Variants in TRPA1 observed in about 807,000 individuals in gnomAD.
TRPA1 encodes the protein ankyrin-like with transmembrane domains 1.
In TRPA1, 129 loss-of-function variants were observed where a neutral mutation model predicts 131.3. That is an observed-to-expected ratio of 0.98 (90% confidence interval 0.85 to 1.14). The LOEUF (loss-of-function observed/expected upper bound fraction) is 1.14. Among genes scored for constraint, TRPA1 ranks in the 50% most tolerant of loss-of-function variants. TRPA1 has a pLI of 0.00. For synonymous variants in TRPA1, 441 were observed against 451.7 expected, an observed-to-expected ratio of 0.98 and a Z score of 0.30; for missense variants, 1,304 against 1,354.2, an observed-to-expected ratio of 0.96 and a Z score of 0.58.
chr8:72,069,509 T>C (rs1395024317), intron 2 of TRPA1, among the ~76,000 whole-genome samples: 1 of 152,134 alleles, frequency 6.6e-6, no homozygotes, highest in Non-Finnish European at 1.5e-5. Flanking sequence ...AATATTGGGA[T>C]TATATAAAAG....
chr8:72,056,954 G>C lies in TRPA1; in HGVS notation c.1157C>G (p.Pro386Arg), dbSNP rs752350043. 1 of 1,609,486 alleles carries C rather than the reference G, an allele frequency of 6.2e-7. No homozygotes were observed. Residue 386 changes from proline to arginine, a missense_variant, in exon 10 of 27, where the codon CCT becomes CGT. Physicochemically the swap from Pro to Arg is moderately radical, Grantham distance 103. Transcript: ENST00000262209. ...RNFLHLTVQQ[P>R]YGLKNLRPEF... is the part of the protein sequence containing the mutation. The stretch of plus-strand genomic sequence containing the variant: ...AGGTCGCAGATTTTTTAATCCATAA[G>C]GTTGCTGTACAGTTAAATGCAGAAA...
chr8:72,066,966 T>C (rs898313760), intron 3 of TRPA1, among the ~76,000 whole-genome samples: 9 of 152,088 alleles, frequency 5.9e-5, no homozygotes, highest in African/African-American at 2.2e-4. Context: ...AACTGGATAG[T>C]TTGAATTAAA....
chr8:72,048,325 C>T (rs539413438), intron 15 of TRPA1, among the ~76,000 whole-genome samples: 1 of 152,144 alleles, frequency 6.6e-6, no homozygotes, highest in South Asian at 2.1e-4. Context: ...CATCTAGGAC[C>T]TCCTGGGGCA....
At chr8:72,067,583 T>G (rs1805961270) in intron 3 of TRPA1, among the ~76,000 whole-genome samples, 1 of 152,186 alleles carries the variant, frequency 6.6e-6, no homozygotes. Context: ...AACAGTTACC[T>G]ATCTTCAATT....
chr8:72,028,066 T>C (rs948259563), intron 24 of TRPA1, among the ~76,000 whole-genome samples: 2 of 152,182 alleles, frequency 1.3e-5, no homozygotes, highest in African/African-American at 2.4e-5. Context: ...AAGAGGTTTA[T>C]ACATCTCCTC....
chr8:72,072,538 A>G (rs1219692671), intron 1 of TRPA1, among the ~76,000 whole-genome samples: 5 of 152,194 alleles, frequency 3.3e-5, no homozygotes, highest in African/African-American at 7.2e-5. Context: ...CATATAAGCT[A>G]CATATAACTT....
intron 19 of TRPA1, 82 bp downstream of exon 19, chr8:72,038,783 G>T (rs1162288194): frequency 6.6e-6 from 8 of 1,217,286 alleles, no homozygotes; most frequent in Non-Finnish European, 6.9e-6. Flanking sequence ...TGATATGTCA[G>T]ATTTATTATG....
chr8:72,026,397 G>C (rs954986158), intron 24 of TRPA1, among the ~76,000 whole-genome samples: 1 of 152,248 alleles, frequency 6.6e-6, no homozygotes, highest in Non-Finnish European at 1.5e-5. Flanking sequence ...ATTGTTCAAT[G>C]CTGGAGATTT....
chr8:72,047,266 T>G (rs1386968541), intron 15 of TRPA1, 59 bp from the exon 16 acceptor site: 4 of 1,235,068 alleles, frequency 3.2e-6, no homozygotes, highest in South Asian at 1.2e-5. Context: ...TTAGGAAAGA[T>G]TTTATCCTAT....
chr8:72,064,590 T>C (rs1805885616), intron 4 of TRPA1, among the ~76,000 whole-genome samples: 1 of 152,152 alleles, frequency 6.6e-6, no homozygotes. Context: ...TATGTACCTA[T>C]CTCTAAGTCC....
intron 19 of TRPA1, among the ~76,000 whole-genome samples, chr8:72,038,555 C>A (rs894210863): frequency 6.6e-6 from 1 of 152,014 alleles, no homozygotes; most frequent in Non-Finnish European, 1.5e-5. Flanking sequence ...CCATGTCCCA[C>A]AGTCCCTGGC....
chr8:72,054,493 T>C (rs956507088), intron 12 of TRPA1: 7 of 152,788 alleles, frequency 4.6e-5, no homozygotes, highest in African/African-American at 1.7e-4. Flanking sequence ...TTAGCTATCT[T>C]TTTTCAAATT....
chr8:72,055,528 G>A lies in TRPA1; in HGVS notation c.1437C>T (p.Asp479=). Residue 479 remains aspartate, a synonymous_variant, in exon 12 of 27, where the codon GAC becomes GAT. Coordinates refer to ENST00000262209, the MANE Select transcript of TRPA1 (RefSeq NM_007332.3). The stretch of plus-strand genomic sequence containing the variant: ...GATGGAGAGGAGTCATTCCATGAAG[G>A]TCACCTTCATTCAGAAGCCTCGTAT... The part of the protein sequence containing the change: ...ISDTRLLNEG[D]LHGMTPLHLA... 1 of 1,613,558 alleles carries A rather than the reference G, an allele frequency of 6.2e-7. No individual in the cohort carries two copies. Among genetic ancestry groups the A allele is most frequent in the Non-Finnish European group, 8.5e-7 (1 of 1,179,640 alleles).
the TRPA1 span, among the ~76,000 whole-genome samples, chr8:72,082,263 C>A: frequency 6.6e-6 from 1 of 152,026 alleles, no homozygotes; most frequent in South Asian, 2.1e-4. Flanking sequence ...ATTTCCTCTC[C>A]CATTTTATGT....
Position 72,039,732 on chromosome 8 carries a change from C to T in TRPA1, c.2127G>A (p.Met709Ile), listed in dbSNP as rs1020713148. 6.3e-7 allele frequency: 1 copy of T among 1,599,118 alleles called. No homozygotes were observed. Among genetic ancestry groups the T allele is most frequent in the Non-Finnish European group, 8.6e-7 (1 of 1,167,170 alleles). Residue 709 changes from methionine to isoleucine, a missense_variant, in exon 18 of 27, where the codon ATG (methionine) becomes ATA (isoleucine). By Grantham distance (10) the Met-to-Ile change is conservative. Transcript: ENST00000262209. ...NHPVCKEYLL[M>I]KWLAYGFRAH... Reference sequence around the variant, plus strand: ...AAATACTACTCAATACCCACCATTTCATGAGTAAATATTCTTTACACACAG... The same window carrying T: ...AAATACTACTCAATACCCACCATTTTATGAGTAAATATTCTTTACACACAG...
intron 25 of TRPA1, 79 bp downstream of exon 25, chr8:72,025,881 G>T: frequency 8.2e-7 from 1 of 1,220,616 alleles, no homozygotes; most frequent in South Asian, 1.2e-5. Flanking sequence ...CTATAAAAGG[G>T]CCCCCTTAGG....
At chr8:72,027,481 C>A (rs902736962) in intron 24 of TRPA1, among the ~76,000 whole-genome samples, 2 of 152,156 alleles carry the variant, frequency 1.3e-5, no homozygotes, top group Non-Finnish European at 2.9e-5. Flanking sequence ...GGACTGTCTG[C>A]AGCTGCCAAA....
intron 14 of TRPA1, 25 bp downstream of exon 14, chr8:72,052,574 G>A (rs1038124899): frequency 6.2e-7 from 1 of 1,612,656 alleles, no homozygotes; most frequent in African/African-American, 1.3e-5. Context: ...AACACTAAAT[G>A]ACAGTGGACA....
Position 72,059,372 on chromosome 8 carries a change from AG to A in TRPA1, c.993+17del. On this transcript the variant is annotated intron_variant, in intron 8 of 26. Coordinates refer to ENST00000262209, the MANE Select transcript of TRPA1 (RefSeq NM_007332.3). ...TTATAAATAGTAATAAAAATAAACC[AG>A]TAAAAGGAATAGTTACCACTGAAAT... is the stretch of plus-strand genomic sequence containing the variant. 1 of 1,472,438 alleles carries A rather than the reference AG, an allele frequency of 6.8e-7. No individual in the cohort carries two copies. The highest frequency in any genetic ancestry group is 1.4e-5 in the African/African-American group (1 of 71,560). The allele number at this position is 1,472,438 out of a possible 1,614,324, so 91.2% of individuals were successfully genotyped here. A position where few individuals can be genotyped will look rare whatever the true frequency, so the allele number is the denominator to read the frequency against.
Sources: allele counts gnomAD v4.1 joint callset (sites outside exome capture counted in the v4.1 genomes callset), GRCh38; gene constraint gnomAD v4.1.1; transcripts MANE v1.5; gene names NCBI Gene and HGNC (gene_info 2026-07-23, HGNC 2026-07-21).